The following HSPA12A variants were observed in gnomAD, a reference collection of about 807,000 sequenced individuals.
HSPA12A encodes heat shock 70 kDa protein 12A.
Under a neutral mutation model 69.2 loss-of-function variants are expected in HSPA12A, and 28 were observed. The observed-to-expected ratio is 0.40, with a 90% CI of 0.30 to 0.55. HSPA12A has a LOEUF of 0.55. Among genes scored for constraint, HSPA12A ranks in the 20% least tolerant of loss-of-function variants. The pLI, the probability that HSPA12A is intolerant of heterozygous loss-of-function variation, is 0.38. For missense variants in HSPA12A, 686 were observed against 900.7 expected (o/e 0.76, Z 3.05); for synonymous variants, 345 against 370.5 (o/e 0.93, Z 0.79).
intron 5 of HSPA12A, among the ~76,000 whole-genome samples, chr10:116,696,975 C>T (rs1174284100): frequency 1.3e-5 from 2 of 152,130 alleles, no homozygotes; most frequent in African/African-American, 4.8e-5. Context: ...GACAGAATCT[C>T]TGCCTCCCCC....
intron 10 of HSPA12A, among the ~76,000 whole-genome samples, chr10:116,679,051 G>A (rs1424745672): frequency 4.6e-5 from 7 of 151,968 alleles, no homozygotes; most frequent in African/African-American, 1.7e-4. Flanking sequence ...AACAAGCTGA[G>A]ACACAAAATC....
intron 1 of HSPA12A, among the ~76,000 whole-genome samples, chr10:116,740,586 C>T (rs954298896): frequency 3.3e-5 from 5 of 151,158 alleles, no homozygotes; most frequent in South Asian, 2.1e-4. Context: ...GCAGGTGGCT[C>T]GGCACACCAG....
At chr10:116,780,414 C>A (rs984149479) in intron 2 of HSPA12A, among the ~76,000 whole-genome samples, 2 of 151,932 alleles carry the variant, frequency 1.3e-5, no homozygotes. Flanking sequence ...TGCAGAGGTG[C>A]AGTCACCACT....
At chr10:116,729,647 T>TA (rs1163656005) in intron 1 of HSPA12A, among the ~76,000 whole-genome samples, 1 of 152,204 alleles carries the variant, frequency 6.6e-6, no homozygotes, top group Admixed American at 6.5e-5. Context: ...ATTTCTAGGC[T>TA]ATGCAGTAAA....
At chr10:116,802,688 G>C (rs533841256) in intron 2 of HSPA12A, among the ~76,000 whole-genome samples, 3 of 152,324 alleles carry the variant, frequency 2.0e-5, no homozygotes, top group African/African-American at 7.2e-5. Flanking sequence ...CACAGGAAGG[G>C]GGCAGCTTAT....
chr10:116,697,243 G>C (rs1290636580), intron 5 of HSPA12A, among the ~76,000 whole-genome samples: 2 of 152,050 alleles, frequency 1.3e-5, no homozygotes, highest in African/African-American at 4.8e-5. Context: ...AATCTTTTTG[G>C]ATAAAGCTCA....
At chr10:116,681,109 G>C (rs1554878509) in intron 9 of HSPA12A, 43 bp downstream of exon 9, 1 of 1,334,812 alleles carries the variant, frequency 7.5e-7, no homozygotes, top group Non-Finnish European at 1.1e-6. Flanking sequence ...GAACTGCCTG[G>C]AATTGGCTCA....
chr10:116,756,801 C>T (rs1297797786), intron 2 of HSPA12A, among the ~76,000 whole-genome samples: 2 of 152,142 alleles, frequency 1.3e-5, no homozygotes, highest in African/African-American at 4.8e-5. Flanking sequence ...TGGGAAAACA[C>T]AGTTGATGGT....
At chr10:116,832,632 C>A (rs943231003) in intron 2 of HSPA12A, 1 of 152,208 alleles carries the variant, frequency 6.6e-6, no homozygotes, top group Non-Finnish European at 1.5e-5. Flanking sequence ...ATGTCCTGTG[C>A]ACCTTCCATG....
At chr10:116,769,136 C>A (rs982998696) in intron 2 of HSPA12A, among the ~76,000 whole-genome samples, 2 of 152,212 alleles carry the variant, frequency 1.3e-5, no homozygotes, top group African/African-American at 2.4e-5. Flanking sequence ...CCAGCCACCA[C>A]TAGGATCTTC....
Position 116,723,350 on chromosome 10 carries a change from C to T in HSPA12A, c.41-16065G>A, listed in dbSNP as rs1850842635. Among the ~76,000 whole-genome samples the T allele has an allele frequency of 2.0e-5, 3 of 152,126 alleles. No homozygotes were observed. Among genetic ancestry groups the T allele is most frequent in the South Asian group, 2.1e-4 (1 of 4,818 alleles). ...GGAGAGAGGGGCCCGCTGACCTTCA[C>T]GTGGGAGGATTTGACCCTCATGCTG... On this transcript the variant is annotated intron_variant, in intron 1 of 11. Coordinates refer to ENST00000369209, the MANE Select transcript of HSPA12A (RefSeq NM_025015.3). The surrounding 1 kb of genome is among the most constrained non-coding windows in gnomAD (Gnocchi z 4.1).
At position 116,723,381 on chromosome 10, in the gene HSPA12A, C is replaced by T. The variant is rs1232531986; in HGVS notation, c.41-16096G>A. On this transcript the variant is annotated intron_variant, in intron 1 of 11. Transcript: ENST00000369209. This position sits in a 1 kb window ranked among gnomAD's most constrained non-coding sequence, Gnocchi z 4.1. Reference sequence around the variant, plus strand: ...AGGATTTGACCCTCATGCTGCCCTCCAAATAGGCACAGCCCCAAGCTGTTC... The same window carrying T: ...AGGATTTGACCCTCATGCTGCCCTCTAAATAGGCACAGCCCCAAGCTGTTC... 6.6e-6 allele frequency among the ~76,000 whole-genome samples: 1 copy of T among 152,160 alleles called. No homozygotes were observed. The highest frequency in any genetic ancestry group is 1.5e-5 in the Non-Finnish European group (1 of 68,006).
In HSPA12A at chr10:116,704,490, T is replaced by C. The variant is rs551039647; in HGVS notation, c.254+661A>G. Among the ~76,000 whole-genome samples the C allele has an allele frequency of 9.2e-5, 14 of 152,130 alleles. No individual in the cohort carries two copies. The East Asian group carries it at 1.2e-3, about 13-fold the overall frequency. ...TGGGGGGAGTGGGGAGGGATAGCAT[T>C]AGGAGATATACCTAATGCTAAATGA... On this transcript the variant is annotated intron_variant, in intron 3 of 11. Coordinates refer to ENST00000369209, the MANE Select transcript of HSPA12A (RefSeq NM_025015.3).
At position 116,749,153 on chromosome 10, in the gene HSPA12A, G is replaced by A. The variant is rs1182683212; in HGVS notation, c.92-41868C>T. On this transcript the variant is annotated intron_variant, in intron 2 of 12. Coordinates refer to the HSPA12A transcript ENST00000635765. ...CTTTTATAAGAGCCAAGGGTTTCACGTTATAGAGAAAAATGACTTTCCCCT... is the reference window on the plus strand; with the variant it reads ...CTTTTATAAGAGCCAAGGGTTTCACATTATAGAGAAAAATGACTTTCCCCT... Among the ~76,000 whole-genome samples the A allele has an allele frequency of 2.0e-5, 3 of 152,262 alleles. 1 individual carries two copies. Among genetic ancestry groups the A allele is most frequent in the South Asian group, 4.1e-4 (2 of 4,820 alleles).
At chr10:116,794,284 A>C (rs961872856) in intron 2 of HSPA12A, among the ~76,000 whole-genome samples, 1 of 152,174 alleles carries the variant, frequency 6.6e-6, no homozygotes, top group African/African-American at 2.4e-5. Flanking sequence ...GTATCACATA[A>C]GATTTATTTT....
chr10:116,824,177 G>A (rs893739782), intron 2 of HSPA12A, among the ~76,000 whole-genome samples: 7 of 152,152 alleles, frequency 4.6e-5, no homozygotes, highest in Non-Finnish European at 8.8e-5. Context: ...TAAGGTATAA[G>A]TGAAATGCCA....
At chr10:116,846,701 T>A (rs1845894205) in intron 1 of HSPA12A, among the ~76,000 whole-genome samples, 1 of 152,128 alleles carries the variant, frequency 6.6e-6, no homozygotes, top group Admixed American at 6.5e-5. Context: ...TACAGGAAAA[T>A]CAGATACTAT....
At chr10:116,714,032 A>G (rs1400495333) in intron 1 of HSPA12A, among the ~76,000 whole-genome samples, 3 of 140,566 alleles carry the variant, frequency 2.1e-5, no homozygotes, top group African/African-American at 8.1e-5. Flanking sequence ...GGATGGATGG[A>G]TGGGTGGGTG....
chr10:116,688,272 C>T (rs1019712003), intron 6 of HSPA12A, among the ~76,000 whole-genome samples: 21 of 152,182 alleles, frequency 1.4e-4, no homozygotes, highest in African/African-American at 4.3e-4. Context: ...CCTGCAGTTT[C>T]CTGGCCCTCA....
Sources: allele counts gnomAD v4.1 joint callset (sites outside exome capture counted in the v4.1 genomes callset), GRCh38; gene constraint gnomAD v4.1.1; non-coding constraint Gnocchi (gnomAD v3.1); transcripts MANE v1.5; gene names NCBI Gene and HGNC (gene_info 2026-07-23, HGNC 2026-07-21).